The following CCDC60 variants were observed in gnomAD, a reference collection of about 807,000 sequenced individuals.
CCDC60 encodes coiled-coil domain-containing protein 60.
CCDC60 carries 54 observed loss-of-function variants against 63.5 expected under a neutral mutation model. The ratio of observed to expected loss-of-function variants is 0.85; its 90% CI spans 0.68 to 1.07. The LOEUF (loss-of-function observed/expected upper bound fraction) is 1.07. Among genes scored for constraint, CCDC60 ranks in the 50% least tolerant of loss-of-function variants. The probability of loss-of-function intolerance (pLI) is 0.00; values close to 1 mark genes in which losing one functional copy is unlikely to be tolerated. For missense variants in CCDC60, 651 were observed against 684.3 expected (o/e 0.95, Z 0.54); for synonymous variants, 206 against 238.8 (o/e 0.86, Z 1.27).
At chr12:119,428,182 T>C (rs895584652) in intron 1 of CCDC60, among the ~76,000 whole-genome samples, 1 of 152,112 alleles carries the variant, frequency 6.6e-6, no homozygotes, top group African/African-American at 2.4e-5. Context: ...GGGAAGTACA[T>C]TTGCATCTTT....
At chr12:119,395,373 C>A (rs1956233739) in intron 1 of CCDC60, among the ~76,000 whole-genome samples, 1 of 152,184 alleles carries the variant, frequency 6.6e-6, no homozygotes. Flanking sequence ...ATGATGCTGG[C>A]TTCTGGGGAG....
intron 1 of CCDC60, among the ~76,000 whole-genome samples, chr12:119,367,556 T>C (rs1955853225): frequency 6.6e-6 from 1 of 152,284 alleles, no homozygotes; most frequent in East Asian, 1.9e-4. Context: ...AGTCCCAGGT[T>C]TGCCCTTAGC....
intron 3 of CCDC60, among the ~76,000 whole-genome samples, chr12:119,472,405 T>C (rs1322639019): frequency 6.6e-6 from 1 of 152,116 alleles, no homozygotes; most frequent in Non-Finnish European, 1.5e-5. Context: ...CTCCGAATAC[T>C]TCCTGGATTT....
Position 119,468,127 on chromosome 12 carries a change from T to TA in CCDC60, c.171-3864dup, listed in dbSNP as rs796498752. Among the ~76,000 whole-genome samples, 7 of 151,564 alleles carry TA rather than the reference T, an allele frequency of 4.6e-5. No individual in the cohort carries two copies. The South Asian group carries it at 1.5e-3, about 32-fold the overall frequency. On this transcript the variant is annotated intron_variant, in intron 2 of 13. Transcript: ENST00000327554. ...GTCTCTACTAAAAATAAAAATAAAATAAATAAATAAATAAATTAGCCGGGC... is the reference window on the plus strand; with the variant it reads ...GTCTCTACTAAAAATAAAAATAAAATAAAATAAATAAATAAATTAGCCGGGC...
intron 11 of CCDC60, among the ~76,000 whole-genome samples, chr12:119,526,440 G>T (rs940229850): frequency 6.6e-6 from 1 of 152,184 alleles, no homozygotes; most frequent in Non-Finnish European, 1.5e-5. Flanking sequence ...AAGAGCTTCC[G>T]CCCAGCAAAA....
At chr12:119,508,344 G>C (rs916331789) in intron 7 of CCDC60, among the ~76,000 whole-genome samples, 1 of 152,044 alleles carries the variant, frequency 6.6e-6, no homozygotes, top group Non-Finnish European at 1.5e-5. Context: ...AGCTGGGCAT[G>C]GTGGCATGTG....
At chr12:119,505,627 AG>A (rs1256744129) in intron 7 of CCDC60, among the ~76,000 whole-genome samples, 3 of 152,230 alleles carry the variant, frequency 2.0e-5, no homozygotes, top group Admixed American at 2.0e-4. Context: ...AAGCTGAGGC[AG>A]GCAGATCATT....
At chr12:119,412,384 G>C (rs1269365478) in intron 1 of CCDC60, among the ~76,000 whole-genome samples, 2 of 152,174 alleles carry the variant, frequency 1.3e-5, no homozygotes, top group Admixed American at 6.6e-5. Context: ...TTCTTCCAGG[G>C]AGAGAGAAAA....
intron 4 of CCDC60, among the ~76,000 whole-genome samples, chr12:119,482,700 T>G (rs1317605524): frequency 6.6e-6 from 1 of 152,018 alleles, no homozygotes; most frequent in Admixed American, 6.5e-5. Flanking sequence ...TGGAGTGGCT[T>G]AAAACAACGA....
At chr12:119,448,972 C>T (rs1950586580) in intron 2 of CCDC60, among the ~76,000 whole-genome samples, 2 of 152,000 alleles carry the variant, frequency 1.3e-5, no homozygotes, top group Admixed American at 6.6e-5. Flanking sequence ...CTTTTAACCA[C>T]ATAGAAGTCA....
At chr12:119,430,096 A>G (rs1367470790) in intron 2 of CCDC60, among the ~76,000 whole-genome samples, 1 of 152,104 alleles carries the variant, frequency 6.6e-6, no homozygotes, top group Non-Finnish European at 1.5e-5. Flanking sequence ...TCATACTTAG[A>G]ACACGTGTCA....
At position 119,480,961 on chromosome 12, in the gene CCDC60, A is replaced by G. The variant is rs1034439886; in HGVS notation, c.449+1760A>G. On this transcript the variant is annotated intron_variant, in intron 4 of 13. Coordinates refer to ENST00000327554, the MANE Select transcript of CCDC60 (RefSeq NM_178499.5). Reference sequence around the variant, plus strand: ...CATCACCACCATCATCACCATCATCACCATCACCATCATTATCACCATCAT... The same window carrying G: ...CATCACCACCATCATCACCATCATCGCCATCACCATCATTATCACCATCAT... 2.7e-5 allele frequency among the ~76,000 whole-genome samples: 4 copies of G among 149,870 alleles called. 1 individual carries two copies. The highest frequency in any genetic ancestry group is 5.9e-5 in the Non-Finnish European group (4 of 67,592).
Position 119,450,584 on chromosome 12 carries a change from C to T in CCDC60, c.171-21410C>T, listed in dbSNP as rs150319944. On this transcript the variant is annotated intron_variant, in intron 2 of 13. Transcript: ENST00000327554. ...GAGGTTAAAGACATGAGAGGCCGGG[C>T]GCAGTGGCTCACGCCTGTAATCCCA... is the stretch of plus-strand genomic sequence containing the variant. Among the ~76,000 whole-genome samples the T allele has an allele frequency of 1.6e-4, 24 of 152,158 alleles. No homozygotes were observed. In the East Asian group the frequency reaches 4.6e-3, roughly 29 times the overall value.
At position 119,353,615 on chromosome 12, in the gene CCDC60, T is replaced by A. The variant is rs796733012; in HGVS notation, c.90+18349T>A. On this transcript the variant is annotated intron_variant, in intron 1 of 13. Coordinates refer to ENST00000327554, the MANE Select transcript of CCDC60 (RefSeq NM_178499.5). ...TTCTTCTTCTTTTTTTTTTTTTTTTTTTTTTTTTTGAGATGGAGTTTCACT... is the reference window on the plus strand; with the variant it reads ...TTCTTCTTCTTTTTTTTTTTTTTTTATTTTTTTTTGAGATGGAGTTTCACT... Among the ~76,000 whole-genome samples the A allele has an allele frequency of 3.2e-3, 431 of 136,680 alleles. 8 individuals are homozygous for A. In the East Asian group the frequency reaches 0.063, roughly 20 times the overall value. 89.7% of individuals were successfully genotyped at this position (136,680 alleles called of 152,430 possible).
intron 3 of CCDC60, among the ~76,000 whole-genome samples, chr12:119,472,822 C>G (rs1315523434): frequency 6.6e-6 from 1 of 152,016 alleles, no homozygotes; most frequent in African/African-American, 2.4e-5. Flanking sequence ...ACCTTGTGGT[C>G]TGCCCGCCTG....
chr12:119,520,321 G>T, intron 9 of CCDC60, 129 bp downstream of exon 9: 1 of 724,740 alleles, frequency 1.4e-6, no homozygotes, highest in Non-Finnish European at 2.3e-6. Context: ...TCCTTCTTAT[G>T]ACCTCACTAG....
intron 1 of CCDC60, among the ~76,000 whole-genome samples, chr12:119,353,933 G>A (rs573994066): frequency 1.3e-5 from 2 of 151,976 alleles, no homozygotes. Context: ...AATTAGCTGG[G>A]TGTGGTGCTC....
chr12:119,357,628 A>G (rs1220162857), intron 1 of CCDC60, among the ~76,000 whole-genome samples: 2 of 152,006 alleles, frequency 1.3e-5, no homozygotes, highest in East Asian at 3.9e-4. Context: ...CTAATTTTGT[A>G]TTTTTAGTAG....
intron 1 of CCDC60, among the ~76,000 whole-genome samples, chr12:119,405,692 C>T (rs1054107487): frequency 3.9e-5 from 6 of 152,174 alleles, no homozygotes; most frequent in Non-Finnish European, 7.4e-5. Flanking sequence ...TCCAATGACC[C>T]GTGCCTCTAA....
Sources: allele counts gnomAD v4.1 joint callset (sites outside exome capture counted in the v4.1 genomes callset), GRCh38; gene constraint gnomAD v4.1.1; transcripts MANE v1.5; gene names NCBI Gene and HGNC (gene_info 2026-07-23, HGNC 2026-07-21).